Variants in EPHA2 observed in about 807,000 individuals in gnomAD.
The protein encoded by EPHA2 is EPH receptor A2.
Under a neutral mutation model 104.9 loss-of-function variants are expected in EPHA2, and 54 were observed. The ratio of observed to expected loss-of-function variants is 0.51; its 90% CI spans 0.41 to 0.65. EPHA2 has a LOEUF of 0.65. Among genes scored for constraint, EPHA2 ranks in the 30% least tolerant of loss-of-function variants. The pLI is 0.00. For synonymous variants in EPHA2, 560 were observed against 559.1 expected (o/e 1.00, Z -0.02); for missense variants, 1,117 against 1,369.5 (o/e 0.82, Z 2.91).
chr1:16,154,246 T>G (rs1172934980), intron 1 of EPHA2, among the ~76,000 whole-genome samples: 1 of 152,042 alleles, frequency 6.6e-6, no homozygotes, highest in African/African-American at 2.4e-5. Context: ...GACCAAACGT[T>G]GGTGGGGCGG....
intron 3 of EPHA2, among the ~76,000 whole-genome samples, 166 bp from the exon 4 acceptor site, chr1:16,138,596 A>G (rs555090138): frequency 1.3e-5 from 2 of 152,296 alleles, no homozygotes; most frequent in African/African-American, 2.4e-5. Flanking sequence ...GGAAAAATGC[A>G]TGGCAAGGGC....
intron 5 of EPHA2, among the ~76,000 whole-genome samples, chr1:16,137,147 C>T (rs918757282): frequency 6.6e-6 from 1 of 152,080 alleles, no homozygotes; most frequent in Non-Finnish European, 1.5e-5. Flanking sequence ...CATTGAGGCC[C>T]AGAGAGGTTA....
chr1:16,135,286 T>C lies in EPHA2; in HGVS notation c.1429-97A>G. The C allele has an allele frequency of 6.5e-7, 1 of 1,538,364 alleles. No individual in the cohort carries two copies. Among genetic ancestry groups the C allele is most frequent in the Admixed American group, 1.7e-5 (1 of 58,120 alleles). On this transcript the variant is annotated intron_variant, in intron 6 of 16. Coordinates refer to ENST00000358432, the MANE Select transcript of EPHA2 (RefSeq NM_004431.5). The surrounding 1 kb of genome is among the most constrained non-coding windows in gnomAD (Gnocchi z 4.3). ...ACCACCCCAAGCTAGCAAGGTGGCT[T>C]GCCTTTGTTAGCAAACTTGAGGCTC...
rs1353374189 is a variant in EPHA2 at position 16,134,200 on chromosome 1, C to T, written c.1682+268G>A. ...CGAAGGCATTCCCATTAGAGCTACT[C>T]GGGGATTCCTGCCTGCGTGTCCAGA... On this transcript the variant is annotated intron_variant, in intron 8 of 16. Transcript: ENST00000358432. The surrounding 1 kb of genome is among the most constrained non-coding windows in gnomAD (Gnocchi z 4.5). Among the ~76,000 whole-genome samples the T allele has an allele frequency of 5.3e-5, 8 of 152,096 alleles. No individual in the cohort carries two copies. Among genetic ancestry groups the T allele is most frequent in the African/African-American group, 9.7e-5 (4 of 41,406 alleles).
intron 13 of EPHA2, 34 bp downstream of exon 13, chr1:16,132,021 GGCGAAGGCC>G: frequency 1.2e-6 from 2 of 1,613,740 alleles, no homozygotes; most frequent in Non-Finnish European, 1.7e-6. Flanking sequence ...CACCATGCAG[GGCGAAGGCC>G]GCTTCTCCCT....
At chr1:16,152,375 G>C (rs1387054413) in intron 1 of EPHA2, among the ~76,000 whole-genome samples, 1 of 152,174 alleles carries the variant, frequency 6.6e-6, no homozygotes, top group Non-Finnish European at 1.5e-5. Context: ...GGCGTGAAAT[G>C]CTGCCACCCC....
chr1:16,130,514 G>T lies in EPHA2; in HGVS notation c.2476-95C>A. 8.1e-7 allele frequency: 1 copy of T among 1,235,942 alleles called. No individual in the cohort carries two copies. The highest frequency in any genetic ancestry group is 1.1e-6 in the Non-Finnish European group (1 of 911,550). 76.6% of individuals were successfully genotyped at this position (1,235,942 alleles called of 1,614,324 possible). ...TGGAGGTGGGCAGGGGAGGGGAGGGGAACAGGAACATCCCAGAAACAGACA... is the reference window on the plus strand; with the variant it reads ...TGGAGGTGGGCAGGGGAGGGGAGGGTAACAGGAACATCCCAGAAACAGACA... On this transcript the variant is annotated intron_variant, in intron 14 of 16. Transcript: ENST00000358432. The surrounding 1 kb of genome is among the most constrained non-coding windows in gnomAD (Gnocchi z 4.5).
Position 16,130,099 on chromosome 1 carries a change from A to G in EPHA2, c.2669+127T>C, listed in dbSNP as rs1240230525. 7.7e-7 allele frequency: 1 copy of G among 1,290,474 alleles called. No individual in the cohort carries two copies. Among genetic ancestry groups the G allele is most frequent in the African/African-American group, 1.5e-5 (1 of 68,240 alleles). The allele number at this position is 1,290,474 out of a possible 1,614,324, so 79.9% of individuals were successfully genotyped here. ...ATCGTGTCCAGTCTAAGTCAAGTCC[A>G]CACATAACCTCTTAGCCCCCAGCAC... On this transcript the variant is annotated intron_variant, in intron 15 of 16. Transcript: ENST00000358432. This position sits in a 1 kb window ranked among gnomAD's most constrained non-coding sequence, Gnocchi z 4.5.
rs2124205229 is a variant in EPHA2 at position 16,133,216 on chromosome 1, G to A, written c.2017C>T (p.His673Tyr). ...EAGIMGQFSHHNIIRLEGVIS... is the reference protein window; with the variant it reads ...EAGIMGQFSHYNIIRLEGVIS... ...ACGCCCTCTAGGCGGATGATGTTGT[G>A]GTGGCTGAACTGGCCCATGATGCCG... The change falls in exon 11 of 17, where the codon CAC becomes TAC. Residue 673 changes from histidine to tyrosine, a missense_variant. Coordinates refer to ENST00000358432, the MANE Select transcript of EPHA2 (RefSeq NM_004431.5). The A allele has an allele frequency of 6.2e-7, 1 of 1,613,744 alleles. No individual in the cohort carries two copies. The highest frequency in any genetic ancestry group is 1.7e-5 in the Admixed American group (1 of 60,002).
intron 5 of EPHA2, among the ~76,000 whole-genome samples, chr1:16,136,063 G>A (rs1421754465): frequency 6.6e-6 from 1 of 151,894 alleles, no homozygotes. Flanking sequence ...TAGAGATGGG[G>A]TCTCCCTATG....
At position 16,135,897 on chromosome 1, in the gene EPHA2, A is replaced by C; in HGVS notation, c.1313-127T>G. The C allele has an allele frequency of 1.6e-6, 1 of 619,416 alleles. No individual in the cohort carries two copies. The highest frequency in any genetic ancestry group is 2.9e-6 in the Non-Finnish European group (1 of 340,246). 38.4% of individuals were successfully genotyped at this position (619,416 alleles called of 1,614,324 possible). On this transcript the variant is annotated intron_variant, in intron 5 of 16. Transcript: ENST00000358432. This position sits in a 1 kb window ranked among gnomAD's most constrained non-coding sequence, Gnocchi z 4.3. Reference sequence around the variant, plus strand: ...GATTCTTTCATTTTTTTGAGACAGGATCTCGCTCTCTCACCCAGGCTCGAG... The same window carrying C: ...GATTCTTTCATTTTTTTGAGACAGGCTCTCGCTCTCTCACCCAGGCTCGAG...
chr1:16,143,158 T>TGGATG lies in EPHA2; in HGVS notation c.824-4729_824-4728insCATCC, dbSNP rs1553136565. Among the ~76,000 whole-genome samples the TGGATG allele has an allele frequency of 1.5e-4, 19 of 123,070 alleles. No individual in the cohort carries two copies. The East Asian group carries it at 2.3e-3, about 15-fold the overall frequency. 80.7% of individuals were successfully genotyped at this position (123,070 alleles called of 152,430 possible). On this transcript the variant is annotated intron_variant, in intron 3 of 16. Coordinates refer to ENST00000358432, the MANE Select transcript of EPHA2 (RefSeq NM_004431.5). ...GCGGGTAGACGAGTGAATGGATGGA[T>TGGATG]GATGGATGGATGGATGGATGGATGG...
Position 16,128,275 on chromosome 1 carries a change from G to A in EPHA2, c.2825+1159C>T, listed in dbSNP as rs1318565261. On this transcript the variant is annotated intron_variant, in intron 16 of 16. Transcript: ENST00000358432. The surrounding 1 kb of genome is among the most constrained non-coding windows in gnomAD (Gnocchi z 4.7). ...AAGCCTGTGGCCCTGCTGGGCTGGC[G>A]GGCAGCAAAAGACATCCTGTGATCC... Among the ~76,000 whole-genome samples, 5 of 152,182 alleles carry A rather than the reference G, an allele frequency of 3.3e-5. No individual in the cohort carries two copies. The highest frequency in any genetic ancestry group is 2.1e-4 in the South Asian group (1 of 4,828).
chr1:16,147,546 G>A (rs78299991), intron 3 of EPHA2, among the ~76,000 whole-genome samples: 3,631 of 151,994 alleles, frequency 0.024, 159 homozygotes, highest in African/African-American at 0.083. Flanking sequence ...GTACTCCACC[G>A]TGGGACCACA....
chr1:16,133,495 T>G lies in EPHA2; in HGVS notation c.1850A>C (p.Lys617Thr), dbSNP rs371863731. The change falls in exon 10 of 17, where the codon AAG becomes ACG. Residue 617 changes from lysine to threonine, a missense_variant. Lys to Thr is a moderately conservative substitution (Grantham distance 78). Coordinates refer to ENST00000358432, the MANE Select transcript of EPHA2 (RefSeq NM_004431.5). ...GCCAACCTCACCTGCTCCGATCACC[T>G]TCTGCCGAGTGACACAGGATGGATG... ...EIHPSCVTRQ[K>T]VIGAGEFGEV... is the part of the protein sequence containing the mutation. The G allele has an allele frequency of 1.2e-6, 2 of 1,614,096 alleles. No homozygotes were observed. The highest frequency in any genetic ancestry group is 1.7e-6 in the Non-Finnish European group (2 of 1,179,976).
rs1214732498 is a variant in EPHA2 at position 16,131,452 on chromosome 1, T to G, written c.2475+269A>C. Reference sequence around the variant, plus strand: ...AAAATTAGCTGGGTGTGGTGGCGCATGCCTGTAATCCCAGCTACTCGGGAG... The same window carrying G: ...AAAATTAGCTGGGTGTGGTGGCGCAGGCCTGTAATCCCAGCTACTCGGGAG... On this transcript the variant is annotated intron_variant, in intron 14 of 16. Transcript: ENST00000358432. This position sits in a 1 kb window ranked among gnomAD's most constrained non-coding sequence, Gnocchi z 5.2. 6.6e-6 allele frequency among the ~76,000 whole-genome samples: 1 copy of G among 152,032 alleles called. No homozygotes were observed. Among genetic ancestry groups the G allele is most frequent in the Non-Finnish European group, 1.5e-5 (1 of 68,014 alleles).
Position 16,134,663 on chromosome 1 carries a change from T to G in EPHA2, c.1583-96A>C. On this transcript the variant is annotated intron_variant, in intron 7 of 16. Coordinates refer to ENST00000358432, the MANE Select transcript of EPHA2 (RefSeq NM_004431.5). The surrounding 1 kb of genome is among the most constrained non-coding windows in gnomAD (Gnocchi z 4.5). Reference sequence around the variant, plus strand: ...AGACACCTGGGCCCCTACTGTGTGCTGGGTGCTTGCACTTGGGAAGGCTCC... The same window carrying G: ...AGACACCTGGGCCCCTACTGTGTGCGGGGTGCTTGCACTTGGGAAGGCTCC... 2 of 1,330,642 alleles carry G rather than the reference T, an allele frequency of 1.5e-6. No individual in the cohort carries two copies. The highest frequency in any genetic ancestry group is 2.1e-6 in the Non-Finnish European group (2 of 943,282). The allele number at this position is 1,330,642 out of a possible 1,614,324, so 82.4% of individuals were successfully genotyped here.
Position 16,129,483 on chromosome 1 carries a change from T to A in EPHA2, c.2776A>T (p.Met926Leu), listed in dbSNP as rs758778545. 6 of 1,613,784 alleles carry A rather than the reference T, an allele frequency of 3.7e-6. No individual in the cohort carries two copies. Among genetic ancestry groups the A allele is most frequent in the Non-Finnish European group, 5.1e-6 (6 of 1,179,996 alleles). ...IKMQQYTEHFMAAGYTAIEKV... is the reference protein window; with the variant it reads ...IKMQQYTEHFLAAGYTAIEKV... ...TCGATGGCAGTGTAGCCGGCCGCCA[T>A]GAAGTGCTCCGTATACTGCTGCATC... The change falls in exon 16 of 17, where the codon ATG becomes TTG. Residue 926 changes from methionine (M) to leucine (L), a missense_variant. Met to Leu is a conservative substitution (Grantham distance 15). Transcript: ENST00000358432.
In EPHA2 at chr1:16,137,958, C is replaced by T. The variant is rs752712276; in HGVS notation, c.1207G>A (p.Glu403Lys). The T allele has an allele frequency of 3.1e-6, 5 of 1,614,194 alleles. No individual in the cohort carries two copies. The highest frequency in any genetic ancestry group is 1.1e-5 in the South Asian group (1 of 91,090). The change falls in exon 5 of 17, where the codon GAG (glutamate) becomes AAG (lysine). Residue 403 changes from glutamate to lysine, a missense_variant. Coordinates refer to ENST00000358432, the MANE Select transcript of EPHA2 (RefSeq NM_004431.5). Reference protein sequence around the residue: ...TRTSVTVSDLEPHMNYTFTVE... With the variant: ...TRTSVTVSDLKPHMNYTFTVE... ...GTGAAGGTGTAGTTCATGTGGGGCT[C>T]CAGGTCGCTCACTGTCACACTGGTG...
Sources: allele counts gnomAD v4.1 joint callset (sites outside exome capture counted in the v4.1 genomes callset), GRCh38; gene constraint gnomAD v4.1.1; non-coding constraint Gnocchi (gnomAD v3.1); transcripts MANE v1.5; gene names NCBI Gene and HGNC (gene_info 2026-07-23, HGNC 2026-07-21).